PPEF2: variants seen among roughly 807,000 people sequenced by gnomAD.
The protein encoded by PPEF2 is protein phosphatase with EF-hand domain 2.
PPEF2 carries 84 observed loss-of-function variants against 84.7 expected under a neutral mutation model. That is an observed-to-expected ratio of 0.99 (90% CI 0.83 to 1.19). PPEF2 has a LOEUF of 1.19. Ranked by LOEUF, PPEF2 falls within the 50% of genes most tolerant of loss-of-function variation. The pLI is 0.00. For synonymous variants in PPEF2, 346 were observed against 345.2 expected, an observed-to-expected ratio of 1.00 and a Z score of -0.03; for missense variants, 924 against 937.5, an observed-to-expected ratio of 0.99 and a Z score of 0.19.
chr4:75,886,326 C>T (rs545119671), intron 7 of PPEF2, among the ~76,000 whole-genome samples: 1 of 152,188 alleles, frequency 6.6e-6, no homozygotes, highest in Non-Finnish European at 1.5e-5. Flanking sequence ...TCAGCAAGCG[C>T]GCAGGTACCC....
chr4:75,861,735 G>A (rs113644367), intron 16 of PPEF2, among the ~76,000 whole-genome samples: 31 of 134,996 alleles, frequency 2.3e-4, no homozygotes, highest in African/African-American at 6.7e-4. Flanking sequence ...TCAGCCTCCC[G>A]AGTAGCTGGG....
chr4:75,875,710 G>A lies in PPEF2; in HGVS notation c.1320+577C>T, dbSNP rs999490246. Among the ~76,000 whole-genome samples the A allele has an allele frequency of 2.6e-5, 4 of 152,264 alleles. No homozygotes were observed. In the East Asian group the frequency reaches 7.7e-4, roughly 29 times the overall value. ...GGCTCTCTCTGCCATAGTCATCATCGGTGAAGTCGGCTGCCTAAGCCATCT... is the reference window on the plus strand; with the variant it reads ...GGCTCTCTCTGCCATAGTCATCATCAGTGAAGTCGGCTGCCTAAGCCATCT... On this transcript the variant is annotated intron_variant, in intron 11 of 16. Coordinates refer to ENST00000286719, the MANE Select transcript of PPEF2 (RefSeq NM_006239.3).
chr4:75,891,679 C>T lies in PPEF2; in HGVS notation c.210G>A (p.Met70Ile), dbSNP rs764811616. Residue 70 changes from methionine (M) to isoleucine (I), a missense_variant, in exon 4 of 17, where the codon ATG (methionine) becomes ATA (isoleucine). Met to Ile is a conservative substitution (Grantham distance 10). Coordinates refer to ENST00000286719, the MANE Select transcript of PPEF2 (RefSeq NM_006239.3). ...VKLHDFFSYLMDHFIPSSHND... is the reference protein window; with the variant it reads ...VKLHDFFSYLIDHFIPSSHND... ...TGTGGCTGCTGGGGATGAAGTGATC[C>T]ATGAGATAGCTGAAGAAGTCATGGA... 1.9e-6 allele frequency: 3 copies of T among 1,611,816 alleles called. No individual in the cohort carries two copies. In the Admixed American group the frequency reaches 5.0e-5, roughly 27 times the overall value.
chr4:75,877,670 C>T (rs11097161), intron 10 of PPEF2, among the ~76,000 whole-genome samples: 148,290 of 151,754 alleles, frequency 0.98, 72,540 homozygotes, highest in Middle Eastern at 1. Context: ...TATTTCCTTT[C>T]TCTTTTTTTT....
intron 16 of PPEF2, among the ~76,000 whole-genome samples, 192 bp from the exon 17 acceptor site, chr4:75,861,112 T>C (rs1723989829): frequency 6.6e-6 from 1 of 152,118 alleles, no homozygotes; most frequent in African/African-American, 2.4e-5. Flanking sequence ...TGGGAGTAAT[T>C]GTGCTCCCCT....
At chr4:75,893,223 C>T (rs141504219) in intron 2 of PPEF2, among the ~76,000 whole-genome samples, 158 of 152,272 alleles carry the variant, frequency 1.0e-3, no homozygotes, top group African/African-American at 3.5e-3. Flanking sequence ...TGAGGCTGGG[C>T]GTGGTGGCTC....
At chr4:75,883,634 C>T (rs1391680993) in intron 8 of PPEF2, 9 of 169,702 alleles carry the variant, frequency 5.3e-5, no homozygotes, top group Non-Finnish European at 7.6e-5. Context: ...CTGACTAACA[C>T]GGTGAAACCC....
At chr4:75,892,063 C>T (rs1724903813) in intron 2 of PPEF2, 85 bp from the exon 3 acceptor site, 40 of 1,545,130 alleles carry the variant, frequency 2.6e-5, no homozygotes, top group Non-Finnish European at 3.4e-5. Context: ...GCTGCTCAGC[C>T]CTCTCCCACT....
At position 75,886,903 on chromosome 4, in the gene PPEF2, C is replaced by G; in HGVS notation, c.533-5G>C. ...CCAATTGGCCATGTAAGTCTCCTAA[C>G]AAAGATAGAAAAAGAATATCAATTC... On this transcript the variant is annotated splice_region_variant and splice_polypyrimidine_tract_variant and intron_variant, in intron 6 of 16. Coordinates refer to ENST00000286719, the MANE Select transcript of PPEF2 (RefSeq NM_006239.3). 1 of 1,433,852 alleles carries G rather than the reference C, an allele frequency of 7.0e-7. No individual in the cohort carries two copies. The highest frequency in any genetic ancestry group is 9.6e-7 in the Non-Finnish European group (1 of 1,039,314). The allele number at this position is 1,433,852 out of a possible 1,614,324, so 88.8% of individuals were successfully genotyped here. A position where few individuals can be genotyped will look rare whatever the true frequency, so the allele number is the denominator to read the frequency against.
chr4:75,880,564 T>A lies in PPEF2; in HGVS notation c.933+2362A>T, dbSNP rs1724542325. 3.3e-5 allele frequency among the ~76,000 whole-genome samples: 5 copies of A among 152,204 alleles called. 1 individual carries two copies. The South Asian group carries it at 1.0e-3, about 31-fold the overall frequency. On this transcript the variant is annotated intron_variant, in intron 10 of 16. Transcript: ENST00000286719. ...CTATGTTTACATAATTAAATATGAT[T>A]CTTCCCATGAGATAATTTGCTCTAC... is the stretch of plus-strand genomic sequence containing the variant.
intron 7 of PPEF2, 141 bp downstream of exon 7, chr4:75,886,710 AC>A (rs983849563): frequency 2.1e-4 from 81 of 386,258 alleles, no homozygotes; most frequent in African/African-American, 1.7e-3. Flanking sequence ...GCAGATTGAG[AC>A]CCCCATCTCA....
At position 75,866,423 on chromosome 4, in the gene PPEF2, T is replaced by G. The variant is rs2149214466; in HGVS notation, c.1757-71A>C. 1.9e-6 allele frequency: 3 copies of G among 1,554,622 alleles called. No homozygotes were observed. In the East Asian group the frequency reaches 6.9e-5, roughly 36 times the overall value. On this transcript the variant is annotated intron_variant, in intron 14 of 16. Transcript: ENST00000286719. ...TTTCCTGCCCAATGGTGTGTATATTTTTATCCTGACATCCTTCTTACTATC... is the reference window on the plus strand; with the variant it reads ...TTTCCTGCCCAATGGTGTGTATATTGTTATCCTGACATCCTTCTTACTATC...
chr4:75,896,400 A>G lies in PPEF2; in HGVS notation c.-58-17T>C, dbSNP rs944727418. 3 of 1,511,122 alleles carry G rather than the reference A, an allele frequency of 2.0e-6. No individual in the cohort carries two copies. The highest frequency in any genetic ancestry group is 2.8e-5 in the African/African-American group (2 of 72,654). The allele number at this position is 1,511,122 out of a possible 1,614,324, so 93.6% of individuals were successfully genotyped here. A position where few individuals can be genotyped will look rare whatever the true frequency, so the allele number is the denominator to read the frequency against. ...AGCTGTTTGCTGACAAAATGAAGAG[A>G]GAATCTGTAATAGGAGATGCAGGCA... is the stretch of plus-strand genomic sequence containing the variant. On this transcript the variant is annotated splice_polypyrimidine_tract_variant and intron_variant, in intron 1 of 16. Coordinates refer to ENST00000286719, the MANE Select transcript of PPEF2 (RefSeq NM_006239.3).
At chr4:75,894,090 T>C (rs1330062686) in intron 2 of PPEF2, among the ~76,000 whole-genome samples, 1 of 152,240 alleles carries the variant, frequency 6.6e-6, no homozygotes, top group African/African-American at 2.4e-5. Flanking sequence ...GTAAAAACTC[T>C]ACATATAACA....
At position 75,860,764 on chromosome 4, in the gene PPEF2, C is replaced by T. The variant is rs761998839; in HGVS notation, c.2165G>A (p.Arg722His). Residue 722 changes from arginine to histidine, a missense_variant, in exon 17 of 17, where the codon CGC becomes CAC. Transcript: ENST00000286719. ...IDINEFLEAFRLVEKSCPEGD... is the reference protein window; with the variant it reads ...IDINEFLEAFHLVEKSCPEGD... ...CTCTGGGCAGGATTTCTCCACAAGG[C>T]GGAAGGCCTCCAGGAACTCATTGAT... 42 of 1,614,078 alleles carry T rather than the reference C, an allele frequency of 2.6e-5. No homozygotes were observed. The highest frequency in any genetic ancestry group is 6.7e-5 in the African/African-American group (5 of 74,940).
rs560014158 is a variant in PPEF2, at chr4:75,886,850, A to G, written c.579+2T>C. ...AAAGCAACTTAATTTGAACATTCAT[A>G]CCTTATAAAATATAAAGATTAAGTC... On this transcript the variant is annotated splice_donor_variant, in intron 7 of 16. Coordinates refer to ENST00000286719, the MANE Select transcript of PPEF2 (RefSeq NM_006239.3). LOFTEE classifies it high-confidence loss of function. 4 of 1,486,170 alleles carry G rather than the reference A, an allele frequency of 2.7e-6. No individual in the cohort carries two copies. The highest frequency in any genetic ancestry group is 2.8e-6 in the Non-Finnish European group (3 of 1,086,274). 92.1% of individuals were successfully genotyped at this position (1,486,170 alleles called of 1,614,324 possible). A position where few individuals can be genotyped will look rare whatever the true frequency, so the allele number is the denominator to read the frequency against.
In PPEF2 at chr4:75,882,989, A is replaced by C; in HGVS notation, c.870T>G (p.Ile290Met). 6.2e-7 allele frequency: 1 copy of C among 1,614,172 alleles called. No individual in the cohort carries two copies. Among genetic ancestry groups the C allele is most frequent in the Non-Finnish European group, 8.5e-7 (1 of 1,180,028 alleles). The part of the protein sequence containing the change: ...LATLIDEKVL[I>M]LHGGVSDITD... The stretch of plus-strand genomic sequence containing the variant: ...TTATGTCTGACACCCCACCATGAAG[A>C]ATTAGAACTTTCTCATCTATCAGAG... The change falls in exon 10 of 17, where the codon ATT becomes ATG. Residue 290 changes from isoleucine to methionine, a missense_variant. Physicochemically the swap from Ile to Met is conservative, Grantham distance 10. Coordinates refer to ENST00000286719, the MANE Select transcript of PPEF2 (RefSeq NM_006239.3).
At chr4:75,892,827 A>G (rs1724921550) in intron 2 of PPEF2, among the ~76,000 whole-genome samples, 1 of 152,158 alleles carries the variant, frequency 6.6e-6, no homozygotes, top group Admixed American at 6.5e-5. Context: ...TGTCCACATA[A>G]CTAGATTCTT....
intron 2 of PPEF2, 32 bp from the exon 3 acceptor site, chr4:75,892,010 G>T (rs750447935): frequency 6.2e-7 from 1 of 1,606,006 alleles, no homozygotes; most frequent in Admixed American, 1.7e-5. Context: ...AAGCCTGTGA[G>T]CTCGGACTCC....
Sources: allele counts gnomAD v4.1 joint callset (sites outside exome capture counted in the v4.1 genomes callset), GRCh38; gene constraint gnomAD v4.1.1; transcripts MANE v1.5; gene names NCBI Gene and HGNC (gene_info 2026-07-23, HGNC 2026-07-21).